SORCS3: variants seen among roughly 807,000 people sequenced by gnomAD.
SORCS3 encodes the protein VPS10 domain-containing receptor SorCS3.
Under a neutral mutation model 146.3 loss-of-function variants are expected in SORCS3, and 57 were observed. The ratio of observed to expected loss-of-function variants is 0.39; its 90% confidence interval spans 0.31 to 0.49. The LOEUF is 0.49. Among genes scored for constraint, SORCS3 ranks in the 20% least tolerant of loss-of-function variants. SORCS3 has a pLI of 0.92. For missense variants in SORCS3, 1,341 were observed against 1,575.5 expected (o/e 0.85, Z 2.52); for synonymous variants, 653 against 618.5 (o/e 1.06, Z -0.83).
At chr10:105,242,492 TTATATATATTTA>T (rs1370122202) in intron 20 of SORCS3, among the ~76,000 whole-genome samples, 20 of 16,680 alleles carry the variant, frequency 1.2e-3, no homozygotes, top group Non-Finnish European at 2.0e-3. Flanking sequence ...ATTTATATAT[TTATATATATTTA>T]TATATATTTA....
chr10:105,199,907 G>T, intron 14 of SORCS3, 92 bp from the exon 15 acceptor site: 1 of 898,238 alleles, frequency 1.1e-6, no homozygotes. Flanking sequence ...AGGCTGCAGT[G>T]AATCTCTATC....
At chr10:105,150,967 A>G (rs899319203) in intron 9 of SORCS3, among the ~76,000 whole-genome samples, 3 of 152,216 alleles carry the variant, frequency 2.0e-5, no homozygotes, top group Non-Finnish European at 4.4e-5. Context: ...GAAAAACAGT[A>G]AGTTTTCACA....
chr10:105,092,557 C>T (rs2055717323), intron 6 of SORCS3, among the ~76,000 whole-genome samples: 1 of 151,036 alleles, frequency 6.6e-6, no homozygotes, highest in South Asian at 2.1e-4. Context: ...ATGCATAATG[C>T]CTTTCCTTTG....
At chr10:105,173,709 A>C (rs1020833747) in intron 13 of SORCS3, among the ~76,000 whole-genome samples, 4 of 152,118 alleles carry the variant, frequency 2.6e-5, no homozygotes, top group African/African-American at 9.7e-5. Flanking sequence ...TCATGATTTG[A>C]CTTCTGCCTT....
chr10:104,665,433 A>G (rs1039666872), intron 1 of SORCS3: 1 of 152,212 alleles, frequency 6.6e-6, no homozygotes, highest in Non-Finnish European at 1.5e-5. Context: ...AACAGGGTCT[A>G]TTCCACGGCA....
chr10:104,701,949 T>C lies in SORCS3; in HGVS notation c.627+59995T>C, dbSNP rs181358779. Among the ~76,000 whole-genome samples the C allele has an allele frequency of 1.7e-4, 26 of 152,320 alleles. 1 individual carries two copies. The East Asian group carries it at 5.0e-3, about 29-fold the overall frequency. ...TGTGTGAGGAGCTGGTAAATTTCTTTTGTAAAAGGGCATATTGTAAATATT... is the reference window on the plus strand; with the variant it reads ...TGTGTGAGGAGCTGGTAAATTTCTTCTGTAAAAGGGCATATTGTAAATATT... On this transcript the variant is annotated intron_variant, in intron 1 of 26. Coordinates refer to ENST00000369701, the MANE Select transcript of SORCS3 (RefSeq NM_014978.3).
At chr10:105,144,419 T>G (rs537869123) in intron 8 of SORCS3, among the ~76,000 whole-genome samples, 2 of 152,114 alleles carry the variant, frequency 1.3e-5, no homozygotes, top group Non-Finnish European at 2.9e-5. Context: ...CTTAATAACA[T>G]GGGTATTTAT....
At chr10:104,645,203 T>C (rs1055933396) in intron 1 of SORCS3, among the ~76,000 whole-genome samples, 1 of 152,064 alleles carries the variant, frequency 6.6e-6, no homozygotes, top group African/African-American at 2.4e-5. Flanking sequence ...GGAGGAGCGA[T>C]TTGCTATTTT....
intron 1 of SORCS3, among the ~76,000 whole-genome samples, chr10:104,672,111 T>C (rs2015862688): frequency 6.6e-6 from 1 of 152,174 alleles, no homozygotes; most frequent in Non-Finnish European, 1.5e-5. Flanking sequence ...CCAGGGTTTT[T>C]ATTTTTTGGA....
intron 1 of SORCS3, among the ~76,000 whole-genome samples, chr10:104,787,643 T>G (rs894018299): frequency 6.6e-5 from 10 of 152,172 alleles, no homozygotes; most frequent in African/African-American, 1.9e-4. Context: ...AATTTTTGCC[T>G]GTACAACATC....
intron 1 of SORCS3, among the ~76,000 whole-genome samples, chr10:104,807,982 T>A (rs1244723258): frequency 1.3e-5 from 2 of 152,214 alleles, no homozygotes. Flanking sequence ...ATTATGGTGT[T>A]CACAGTCGTA....
intron 14 of SORCS3, among the ~76,000 whole-genome samples, chr10:105,190,353 T>G (rs2056508412): frequency 1.3e-5 from 2 of 152,216 alleles, no homozygotes; most frequent in African/African-American, 2.4e-5. Context: ...CCATGCATAG[T>G]TGTTAGCATA....
At chr10:104,718,466 T>C (rs963897508) in intron 1 of SORCS3, among the ~76,000 whole-genome samples, 5 of 152,124 alleles carry the variant, frequency 3.3e-5, no homozygotes, top group Admixed American at 2.6e-4. Flanking sequence ...CACTGTTGCA[T>C]TGGGGGTTAA....
intron 1 of SORCS3, among the ~76,000 whole-genome samples, chr10:104,819,222 C>T (rs1483740328): frequency 6.6e-6 from 1 of 152,092 alleles, no homozygotes; most frequent in Non-Finnish European, 1.5e-5. Flanking sequence ...ATTTCCAGGC[C>T]CTGTTCCCAG....
chr10:105,044,311 A>G (rs1321550902), intron 5 of SORCS3, among the ~76,000 whole-genome samples: 2 of 152,156 alleles, frequency 1.3e-5, no homozygotes, highest in African/African-American at 4.8e-5. Flanking sequence ...TCAAGGCTGC[A>G]GTGTACTCTA....
intron 2 of SORCS3, among the ~76,000 whole-genome samples, chr10:104,870,411 G>A (rs1257297057): frequency 6.7e-6 from 1 of 148,562 alleles, no homozygotes; most frequent in Non-Finnish European, 1.5e-5. Flanking sequence ...GCCCCTTAAT[G>A]AAAATGACAG....
chr10:104,688,639 C>T (rs1205408221), intron 1 of SORCS3, among the ~76,000 whole-genome samples: 1 of 152,176 alleles, frequency 6.6e-6, no homozygotes, highest in East Asian at 1.9e-4. Context: ...TTTTTCTCTA[C>T]TCTCTTTCCT....
intron 4 of SORCS3, among the ~76,000 whole-genome samples, chr10:105,022,983 C>T (rs923009395): frequency 3.9e-5 from 6 of 152,086 alleles, no homozygotes; most frequent in African/African-American, 1.2e-4. Context: ...GCAGAGGGTA[C>T]TTCAAGGGTG....
Position 105,169,822 on chromosome 10 carries a change from C to A in SORCS3, c.1901+2473C>A, listed in dbSNP as rs114596563. On this transcript the variant is annotated intron_variant, in intron 13 of 26. Transcript: ENST00000369701. ...AAGCTTGTTTTTAAACCAAGCAAGGCAATGTTTCTTAGCTCCCATCATGTT... is the reference window on the plus strand; with the variant it reads ...AAGCTTGTTTTTAAACCAAGCAAGGAAATGTTTCTTAGCTCCCATCATGTT... Among the ~76,000 whole-genome samples, 730 of 152,178 alleles carry A rather than the reference C, an allele frequency of 4.8e-3. 4 individuals are homozygous for A. The highest frequency in any genetic ancestry group is 0.017 in the African/African-American group (702 of 41,534).
Sources: allele counts gnomAD v4.1 joint callset (sites outside exome capture counted in the v4.1 genomes callset), GRCh38; gene constraint gnomAD v4.1.1; transcripts MANE v1.5; gene names NCBI Gene and HGNC (gene_info 2026-07-23, HGNC 2026-07-21).